NDST3: variants seen among roughly 807,000 people sequenced by gnomAD.
NDST3 encodes N-deacetylase and N-sulfotransferase 3, also known as bifunctional heparan sulfate N-deacetylase/N-sulfotransferase 3.
NDST3 carries 58 observed loss-of-function variants against 96.1 expected under a neutral mutation model. The observed-to-expected ratio is 0.60, with a 90% CI of 0.49 to 0.75. NDST3 has a LOEUF of 0.75. Ranked by LOEUF, NDST3 falls within the 30% of genes least tolerant of loss-of-function variation. NDST3 has a pLI of 0.00. For synonymous variants in NDST3, 333 were observed against 359.7 expected (o/e 0.93, Z 0.84); for missense variants, 788 against 1,034.2 (o/e 0.76, Z 3.27).
At chr4:118,242,982 T>C (rs576102568) in intron 12 of NDST3, among the ~76,000 whole-genome samples, 23 of 152,266 alleles carry the variant, frequency 1.5e-4, no homozygotes, top group Admixed American at 5.2e-4. Flanking sequence ...TTTAGAATAG[T>C]TGGCAATCAG....
At chr4:118,108,051 G>A (rs1370591947) in intron 3 of NDST3, among the ~76,000 whole-genome samples, 2 of 152,170 alleles carry the variant, frequency 1.3e-5, no homozygotes, top group African/African-American at 4.8e-5. Flanking sequence ...AGGCAAGAGG[G>A]CTTCGTAACT....
rs142264795 is a variant in NDST3, at chr4:118,183,711, C to T, written c.1539+40027C>T. 3.1e-3 allele frequency among the ~76,000 whole-genome samples: 472 copies of T among 152,340 alleles called. 3 individuals carry two copies. The highest frequency in any genetic ancestry group is 4.8e-3 in the Non-Finnish European group (325 of 68,034). On this transcript the variant is annotated intron_variant, in intron 6 of 13. Coordinates refer to ENST00000296499, the MANE Select transcript of NDST3 (RefSeq NM_004784.3). The stretch of plus-strand genomic sequence containing the variant: ...GCAAGACAAGTGGTTCAGGATCTCA[C>T]TCTGGAATTTAGGATAATTGCTATT...
chr4:118,120,804 G>A (rs112340675), intron 4 of NDST3, among the ~76,000 whole-genome samples: 1,538 of 152,118 alleles, frequency 0.01, 25 homozygotes, highest in African/African-American at 0.034. Context: ...CTAATTTGTC[G>A]TTCTTATATC....
chr4:118,131,100 G>A (rs1428785719), intron 4 of NDST3, among the ~76,000 whole-genome samples: 4 of 152,156 alleles, frequency 2.6e-5, no homozygotes, highest in Non-Finnish European at 4.4e-5. Flanking sequence ...GTACTCGAAT[G>A]TTGATCTCTT....
chr4:118,159,284 C>T (rs562772884), intron 6 of NDST3, among the ~76,000 whole-genome samples: 35 of 152,196 alleles, frequency 2.3e-4, no homozygotes, highest in African/African-American at 7.9e-4. Flanking sequence ...TATAGCAGCT[C>T]CAGAGAACAC....
At chr4:118,119,178 G>A (rs540953351) in intron 4 of NDST3, among the ~76,000 whole-genome samples, 2 of 152,190 alleles carry the variant, frequency 1.3e-5, no homozygotes, top group South Asian at 4.2e-4. Context: ...TCCAAGTGCA[G>A]CAGAACCTGT....
At chr4:118,096,754 T>C (rs1290642267) in intron 2 of NDST3, among the ~76,000 whole-genome samples, 1 of 151,862 alleles carries the variant, frequency 6.6e-6, no homozygotes, top group Admixed American at 6.6e-5. Context: ...TATGAGGTTA[T>C]GGAGGCTGAG....
intron 2 of NDST3, among the ~76,000 whole-genome samples, chr4:118,088,590 G>A (rs892090030): frequency 1.3e-5 from 2 of 151,932 alleles, no homozygotes; most frequent in Non-Finnish European, 2.9e-5. Context: ...TTGGAATGAC[G>A]TTAGCTTTTA....
chr4:118,215,345 T>A (rs1278248275), intron 6 of NDST3, among the ~76,000 whole-genome samples: 1 of 152,144 alleles, frequency 6.6e-6, no homozygotes, highest in Non-Finnish European at 1.5e-5. Flanking sequence ...TCAACCATGT[T>A]CAATGGAGTA....
Position 118,194,129 on chromosome 4 carries a change from A to G in NDST3, c.1540-30362A>G, listed in dbSNP as rs1737507623. 4 of 1,090,278 alleles carry G rather than the reference A, an allele frequency of 3.7e-6. No homozygotes were observed. The East Asian group carries it at 7.1e-5, about 19-fold the overall frequency. 67.5% of individuals were successfully genotyped at this position (1,090,278 alleles called of 1,614,324 possible). A position where few individuals can be genotyped will look rare whatever the true frequency, so the allele number is the denominator to read the frequency against. On this transcript the variant is annotated intron_variant, in intron 6 of 13. Coordinates refer to ENST00000296499, the MANE Select transcript of NDST3 (RefSeq NM_004784.3). ...AGCATAGCTGGGTTTGAGGTACACAATGGAATGTTCTCCTTTCTACATGCA... is the reference window on the plus strand; with the variant it reads ...AGCATAGCTGGGTTTGAGGTACACAGTGGAATGTTCTCCTTTCTACATGCA...
chr4:118,226,382 T>C (rs1739881946), intron 7 of NDST3, among the ~76,000 whole-genome samples: 1 of 152,204 alleles, frequency 6.6e-6, no homozygotes, highest in Non-Finnish European at 1.5e-5. Flanking sequence ...TATACATTTA[T>C]CAACCTTTGA....
At chr4:118,192,668 C>T (rs1217736688) in intron 6 of NDST3, among the ~76,000 whole-genome samples, 3 of 149,604 alleles carry the variant, frequency 2.0e-5, no homozygotes, top group African/African-American at 7.3e-5. Flanking sequence ...CAACAACATG[C>T]TGTTTTGGTT....
At position 118,151,294 on chromosome 4, in the gene NDST3, G is replaced by A. The variant is rs148866031; in HGVS notation, c.1539+7610G>A. On this transcript the variant is annotated intron_variant, in intron 6 of 13. Transcript: ENST00000296499. ...GGAGATATACCTAATGCTAGATGACGAGTTAGTGGGTGCAGCGCACCAGCA... is the reference window on the plus strand; with the variant it reads ...GGAGATATACCTAATGCTAGATGACAAGTTAGTGGGTGCAGCGCACCAGCA... 2.6e-3 allele frequency among the ~76,000 whole-genome samples: 394 copies of A among 152,196 alleles called. 1 individual carries two copies. The highest frequency in any genetic ancestry group is 3.4e-3 in the Middle Eastern group (1 of 294).
At chr4:118,191,632 T>C (rs1443624708) in intron 6 of NDST3, among the ~76,000 whole-genome samples, 1 of 152,190 alleles carries the variant, frequency 6.6e-6, no homozygotes, top group Non-Finnish European at 1.5e-5. Flanking sequence ...ATGAGATGTA[T>C]TGAAACAGGA....
At chr4:118,241,888 T>G in intron 11 of NDST3, 152 bp from the exon 12 acceptor site, 1 of 499,962 alleles carries the variant, frequency 2.0e-6, no homozygotes, top group Non-Finnish European at 3.6e-6. Flanking sequence ...TCCAGGTCAT[T>G]AATGAGGATG....
chr4:118,186,173 T>C (rs1045071325), intron 6 of NDST3, among the ~76,000 whole-genome samples: 5 of 152,138 alleles, frequency 3.3e-5, no homozygotes, highest in Admixed American at 3.3e-4. Context: ...TCAGTTTGAT[T>C]GTGTCATATT....
At chr4:118,137,234 G>GAA (rs1490945818) in intron 4 of NDST3, among the ~76,000 whole-genome samples, 1 of 151,792 alleles carries the variant, frequency 6.6e-6, no homozygotes, top group Non-Finnish European at 1.5e-5. Context: ...AATATAAACA[G>GAA]AAAAATAAAA....
intron 1 of NDST3, among the ~76,000 whole-genome samples, chr4:118,045,337 T>C (rs1190194313): frequency 1.3e-5 from 2 of 152,164 alleles, no homozygotes; most frequent in Non-Finnish European, 2.9e-5. Context: ...CATCCTGTTA[T>C]AGTCATTGTC....
chr4:118,169,636 A>G (rs1231692958), intron 6 of NDST3, among the ~76,000 whole-genome samples: 1 of 152,128 alleles, frequency 6.6e-6, no homozygotes, highest in African/African-American at 2.4e-5. Flanking sequence ...TTTACTAAAA[A>G]TAAAAGAATT....
Sources: allele counts gnomAD v4.1 joint callset (sites outside exome capture counted in the v4.1 genomes callset), GRCh38; gene constraint gnomAD v4.1.1; transcripts MANE v1.5; gene names NCBI Gene and HGNC (gene_info 2026-07-23, HGNC 2026-07-21).